TSG101: variants seen among roughly 807,000 people sequenced by gnomAD.
The protein encoded by TSG101 is tumor susceptibility 101, also known as tumor susceptibility gene 101 protein.
In TSG101, 19 loss-of-function variants were observed where a neutral mutation model predicts 48.5. The observed-to-expected ratio is 0.39, with a 90% CI of 0.27 to 0.58. The LOEUF is 0.58. Ranked by LOEUF, TSG101 falls within the 20% of genes least tolerant of loss-of-function variation. The probability of loss-of-function intolerance (pLI) is 0.55; values close to 1 mark genes in which losing one functional copy is unlikely to be tolerated. For missense variants in TSG101, 365 were observed against 484.4 expected (o/e 0.75, Z 2.31); for synonymous variants, 174 against 169.4 (o/e 1.03, Z -0.21).
intron 5 of TSG101, among the ~76,000 whole-genome samples, chr11:18,509,036 C>G (rs947899543): frequency 6.6e-6 from 1 of 152,150 alleles, no homozygotes. Flanking sequence ...CATGCTCCCA[C>G]CACTCCACAC....
At chr11:18,490,830 G>T in intron 7 of TSG101, 1 of 545,948 alleles carries the variant, frequency 1.8e-6, no homozygotes, top group South Asian at 1.5e-5. Context: ...ACAGAGAGCA[G>T]ATTTCTCTCT....
At chr11:18,521,652 A>ACTG (rs1168886090) in intron 1 of TSG101, among the ~76,000 whole-genome samples, 1 of 142,256 alleles carries the variant, frequency 7.0e-6, no homozygotes, top group East Asian at 2.0e-4. Flanking sequence ...GGTATGAACC[A>ACTG]CTGCACCTGG....
chr11:18,494,281 T>G (rs1488415536), intron 7 of TSG101, among the ~76,000 whole-genome samples: 1 of 152,118 alleles, frequency 6.6e-6, no homozygotes, highest in African/African-American at 2.4e-5. Context: ...CCAATAAATC[T>G]GAAGGAGAGT....
intron 7 of TSG101, among the ~76,000 whole-genome samples, chr11:18,487,168 C>T (rs532548889): frequency 2.0e-5 from 3 of 150,514 alleles, no homozygotes; most frequent in East Asian, 3.9e-4. Flanking sequence ...TGTTAAATGA[C>T]GAGTTAGTAG....
chr11:18,499,569 C>A (rs1024099751), intron 7 of TSG101, among the ~76,000 whole-genome samples: 1 of 148,930 alleles, frequency 6.7e-6, no homozygotes, highest in Admixed American at 6.8e-5. Context: ...CGCCACCACG[C>A]CCGGCTAATT....
chr11:18,482,098 G>T (rs749187334), intron 8 of TSG101, among the ~76,000 whole-genome samples: 1 of 152,210 alleles, frequency 6.6e-6, no homozygotes, highest in Non-Finnish European at 1.5e-5. Context: ...AGCACTTTCA[G>T]TGACAGTAAC....
rs1565090532 is a variant in TSG101 at position 18,506,898 on chromosome 11, A to C, written c.507T>G (p.Gly169=). ...ATCCGGATGGGTATGGAGAGATTCCACCTGGCATGCCTGGCATGTAGGAAG... is the reference window on the plus strand; with the variant it reads ...ATCCGGATGGGTATGGAGAGATTCCCCCTGGCATGCCTGGCATGTAGGAAG... ...PNTSYMPGMP[G]GISPYPSGYP... The change falls in exon 6 of 10, where the codon GGT becomes GGG. Residue 169 remains glycine, a synonymous_variant. Transcript: ENST00000251968. 4 of 1,607,892 alleles carry C rather than the reference A, an allele frequency of 2.5e-6. No individual in the cohort carries two copies. Among genetic ancestry groups the C allele is most frequent in the Non-Finnish European group, 3.4e-6 (4 of 1,176,156 alleles).
In TSG101 at chr11:18,525,812, T is replaced by C. The variant is rs191562222; in HGVS notation, c.42+963A>G. 6.2e-3 allele frequency: 2,920 copies of C among 472,298 alleles called. 17 individuals are homozygous for C. Among genetic ancestry groups the C allele is most frequent in the Non-Finnish European group, 7.6e-3 (2,759 of 361,278 alleles). The allele number at this position is 472,298 out of a possible 1,614,324, so 29.3% of individuals were successfully genotyped here. A position where few individuals can be genotyped will look rare whatever the true frequency, so the allele number is the denominator to read the frequency against. On this transcript the variant is annotated intron_variant, in intron 1 of 9. Coordinates refer to ENST00000251968, the MANE Select transcript of TSG101 (RefSeq NM_006292.4). ...TGTCATTTTCTCCTTAGAGATTATT[T>C]GGTCTTCAATCAAGAACTATGGGGG...
At chr11:18,490,192 G>A in intron 7 of TSG101, 1 of 393,402 alleles carries the variant, frequency 2.5e-6, no homozygotes, top group Non-Finnish European at 5.1e-6. Flanking sequence ...TACGTGGAGG[G>A]TACAGAGTGA....
intron 7 of TSG101, among the ~76,000 whole-genome samples, chr11:18,490,088 C>T (rs1337139391): frequency 6.6e-6 from 1 of 152,218 alleles, no homozygotes; most frequent in African/African-American, 2.4e-5. Context: ...AGAATACAAA[C>T]ACCAGCTGTT....
intron 1 of TSG101, among the ~76,000 whole-genome samples, chr11:18,522,100 T>G (rs1391702053): frequency 6.6e-6 from 1 of 152,234 alleles, no homozygotes; most frequent in Non-Finnish European, 1.5e-5. Context: ...CAATTATTAT[T>G]GAGCACAGGC....
At position 18,490,861 on chromosome 11, in the gene TSG101, C is replaced by T. The variant is rs978834690; in HGVS notation, c.641-6789G>A. ...TCTCTTCGTTGGAGTATTCATGCCT[C>T]GTTCTGTGACTGCCTTCGTGACTAC... On this transcript the variant is annotated intron_variant, in intron 7 of 9. Coordinates refer to ENST00000251968, the MANE Select transcript of TSG101 (RefSeq NM_006292.4). 35 of 529,212 alleles carry T rather than the reference C, an allele frequency of 6.6e-5. No individual in the cohort carries two copies. In the Middle Eastern group the frequency reaches 1.4e-3, roughly 22 times the overall value. 32.8% of individuals were successfully genotyped at this position (529,212 alleles called of 1,614,324 possible).
rs1212155840 is a variant in TSG101, at chr11:18,484,050, G to C, written c.663C>G (p.Ile221Met). The C allele has an allele frequency of 6.2e-7, 1 of 1,614,022 alleles. No individual in the cohort carries two copies. The highest frequency in any genetic ancestry group is 1.3e-5 in the African/African-American group (1 of 74,912). The part of the protein sequence containing the change: ...TTVGPSRDGT[I>M]SEDTIRASLI... ...GAGAGGCTCGGATGGTGTCCTCGCT[G>C]ATTGTGCCATCCCTACTGGGACCTG... Residue 221 changes from isoleucine (I) to methionine (M), a missense_variant, in exon 8 of 10, where the codon ATC becomes ATG. Coordinates refer to ENST00000251968, the MANE Select transcript of TSG101 (RefSeq NM_006292.4).
At position 18,509,648 on chromosome 11, in the gene TSG101, C is replaced by T; in HGVS notation, c.375G>A (p.Leu125=). The change falls in exon 5 of 10, where the codon TTG becomes TTA. Residue 125 remains leucine (L), a synonymous_variant. Transcript: ENST00000251968. The part of the protein sequence containing the change: ...HEWKHPQSDL[L]GLIQVMIVVF... ...CCACAATCATGACCTGAATAAGCCC[C>T]AACAAGTCTGACTGTGGCTACAAAA... 1.2e-6 allele frequency: 2 copies of T among 1,602,260 alleles called. No homozygotes were observed. Among genetic ancestry groups the T allele is most frequent in the African/African-American group, 1.3e-5 (1 of 74,838 alleles).
At chr11:18,509,280 C>G (rs1196539248) in intron 5 of TSG101, among the ~76,000 whole-genome samples, 1 of 152,174 alleles carries the variant, frequency 6.6e-6, no homozygotes, top group Non-Finnish European at 1.5e-5. Flanking sequence ...TTTAAAAATT[C>G]TAGCTCTATT....
chr11:18,522,463 C>A (rs755906872), intron 1 of TSG101, among the ~76,000 whole-genome samples: 2 of 152,184 alleles, frequency 1.3e-5, no homozygotes, highest in Non-Finnish European at 2.9e-5. Flanking sequence ...GTCAAAATAT[C>A]CTGTTAGCTT....
At chr11:18,488,331 C>G (rs1849649859) in intron 7 of TSG101, among the ~76,000 whole-genome samples, 1 of 152,090 alleles carries the variant, frequency 6.6e-6, no homozygotes, top group Non-Finnish European at 1.5e-5. Context: ...GACTCTACAG[C>G]TAGATGGAAT....
At chr11:18,506,042 C>A (rs1034146175) in intron 6 of TSG101, among the ~76,000 whole-genome samples, 1 of 152,086 alleles carries the variant, frequency 6.6e-6, no homozygotes, top group Non-Finnish European at 1.5e-5. Context: ...GTCTCGAACT[C>A]CTGACCTCAG....
chr11:18,519,325 A>C (rs1408912298), intron 2 of TSG101, among the ~76,000 whole-genome samples, 194 bp downstream of exon 2: 1 of 152,150 alleles, frequency 6.6e-6, no homozygotes, highest in East Asian at 1.9e-4. Flanking sequence ...TTTTAACATA[A>C]AAAACTAAAA....
Sources: gnomAD v4.1 joint callset for allele counts (sites outside exome capture counted in the v4.1 genomes callset) on GRCh38, gnomAD v4.1.1 for gene constraint, MANE v1.5 for transcripts, NCBI Gene and HGNC (gene_info 2026-07-23, HGNC 2026-07-21) for gene names.